Variants in ZNF654 observed in about 807,000 individuals in gnomAD.
ZNF654 encodes melanoma-associated antigen.
ZNF654 carries 19 observed loss-of-function variants against 95.3 expected under a neutral mutation model. The observed-to-expected ratio is 0.20, with a 90% confidence interval of 0.14 to 0.29. The LOEUF is 0.29. Among genes scored for constraint, ZNF654 ranks in the 10% least tolerant of loss-of-function variants. The pLI, the probability that ZNF654 is intolerant of heterozygous loss-of-function variation, is 1.00. For missense variants in ZNF654, 1,046 were observed against 1,341.0 expected (o/e 0.78, Z 3.44); for synonymous variants, 413 against 457.9 (o/e 0.90, Z 1.25).
At chr3:88,096,371 G>A (rs947654397) in intron 2 of ZNF654, among the ~76,000 whole-genome samples, 3 of 152,088 alleles carry the variant, frequency 2.0e-5, no homozygotes, top group African/African-American at 7.2e-5. Context: ...ATTTGTGTGA[G>A]AGGGTACCTC....
chr3:88,075,641 CTT>C (rs899533192), intron 1 of ZNF654, among the ~76,000 whole-genome samples: 3 of 152,114 alleles, frequency 2.0e-5, no homozygotes, highest in Non-Finnish European at 2.9e-5. Flanking sequence ...ATAAACATTC[CTT>C]TTTGTCACAT....
chr3:88,132,945 A>G (rs1422839722), intron 6 of ZNF654, among the ~76,000 whole-genome samples: 7 of 152,192 alleles, frequency 4.6e-5, no homozygotes, highest in Non-Finnish European at 4.4e-5. Context: ...TGAAAGCTAC[A>G]TGGAAGGCCA....
intron 2 of ZNF654, among the ~76,000 whole-genome samples, chr3:88,090,581 T>TTTTTTTTTTTTTTTTTTTTTTTTTG (rs1262166902): frequency 6.6e-6 from 1 of 152,198 alleles, no homozygotes; most frequent in South Asian, 2.1e-4. Context: ...AAAATTTTTA[T>TTTTTTTTTTTTTTTTTTTTTTTTTG]AAGTGCGGTA....
rs1465206375 is a variant in ZNF654, at chr3:88,142,775, A to T, written c.*1123A>T. 1 of 152,250 alleles carries T rather than the reference A, an allele frequency of 6.6e-6. No individual in the cohort carries two copies. The highest frequency in any genetic ancestry group is 1.5e-5 in the Non-Finnish European group (1 of 67,788). The allele number at this position is 152,250 out of a possible 1,614,324, so 9.4% of individuals were successfully genotyped here. A position where few individuals can be genotyped will look rare whatever the true frequency, so the allele number is the denominator to read the frequency against. On this transcript the variant is annotated 3_prime_UTR_variant, in exon 9 of 9. Transcript: ENST00000636215. ...GGTCTGAACAGTAATTTTTATATGT[A>T]AAAGGAAGTATTTACACAAAACATT...
intron 3 of ZNF654, among the ~76,000 whole-genome samples, chr3:88,122,170 T>C (rs1705808410): frequency 1.3e-5 from 2 of 152,112 alleles, no homozygotes; most frequent in Admixed American, 6.6e-5. Context: ...TGTGTAAAGA[T>C]AGGATTTAGA....
rs1236582879 is a variant in ZNF654 at position 88,060,327 on chromosome 3, ATGT to A, written c.186+827_186+829del. On this transcript the variant is annotated intron_variant, in intron 1 of 8. Transcript: ENST00000636215. The stretch of plus-strand genomic sequence containing the variant: ...CTCAGTCGACCGTCACAGGGGTTTG[ATGT>A]TGTTCAAAGTGTTTGTAATCAAATA... 3.3e-5 allele frequency among the ~76,000 whole-genome samples: 5 copies of A among 152,236 alleles called. No individual in the cohort carries two copies. The East Asian group carries it at 7.7e-4, about 24-fold the overall frequency.
chr3:88,091,794 T>C (rs987972103), intron 2 of ZNF654, among the ~76,000 whole-genome samples: 9 of 152,192 alleles, frequency 5.9e-5, no homozygotes, highest in Admixed American at 2.0e-4. Context: ...CCTGCCGCCA[T>C]GTAAGACATG....
At chr3:88,092,266 TC>T (rs1703787172) in intron 2 of ZNF654, among the ~76,000 whole-genome samples, 3 of 152,188 alleles carry the variant, frequency 2.0e-5, no homozygotes, top group Admixed American at 2.0e-4. Flanking sequence ...AATTATTTGG[TC>T]ATTTATTCTG....
At chr3:88,068,059 A>G (rs1427191437) in intron 1 of ZNF654, among the ~76,000 whole-genome samples, 1 of 152,272 alleles carries the variant, frequency 6.6e-6, no homozygotes, top group African/African-American at 2.4e-5. Context: ...GTTGCTTTAT[A>G]TAGGAGTTTT....
intron 2 of ZNF654, among the ~76,000 whole-genome samples, chr3:88,086,871 C>G (rs528883634): frequency 2.0e-5 from 3 of 152,300 alleles, no homozygotes; most frequent in East Asian, 1.9e-4. Context: ...CAAGCTCCCC[C>G]TCCCGGGTTC....
Position 88,139,355 on chromosome 3 carries a change from T to C in ZNF654, c.1686T>C (p.His562=), listed in dbSNP as rs1706982110. The C allele has an allele frequency of 1.2e-6, 2 of 1,612,788 alleles. 1 individual carries two copies. The highest frequency in any genetic ancestry group is 3.3e-5 in the Admixed American group (2 of 59,850). ...TTTTAGGTGGTCACATTGTAAGGCA[T>C]GCCCAGGCTCATCAGAAAAAAGGCA... ...KEFLGGHIVR[H]AQAHQKKGSF... Residue 562 remains histidine, a synonymous_variant, in exon 8 of 9, where the codon CAT becomes CAC. Transcript: ENST00000636215.
intron 2 of ZNF654, among the ~76,000 whole-genome samples, chr3:88,091,897 G>A (rs889804457): frequency 6.6e-6 from 1 of 152,100 alleles, no homozygotes; most frequent in East Asian, 1.9e-4. Flanking sequence ...CTTCATAAAT[G>A]ACCCAGTCTC....
Position 88,139,108 on chromosome 3 carries a change from A to G in ZNF654, c.1439A>G (p.Glu480Gly). The G allele has an allele frequency of 7.9e-7, 1 of 1,267,264 alleles. No homozygotes were observed. Among genetic ancestry groups the G allele is most frequent in the Non-Finnish European group, 9.9e-7 (1 of 1,006,532 alleles). 78.5% of individuals were successfully genotyped at this position (1,267,264 alleles called of 1,614,324 possible). Residue 480 changes from glutamate to glycine, a missense_variant, in exon 8 of 9, where the codon GAA (glutamate) becomes GGA (glycine). Transcript: ENST00000636215. ...AGATTTCTAAATGAAAGCACACTGG[A>G]AAATAATGCAGGTAATCTAAAAAGG... is the stretch of plus-strand genomic sequence containing the variant. ...AVRFLNESTL[E>G]NNAGNLKRTE... is the part of the protein sequence containing the mutation.
chr3:88,067,089 G>C (rs929354591), intron 1 of ZNF654, among the ~76,000 whole-genome samples: 4 of 152,170 alleles, frequency 2.6e-5, no homozygotes, highest in Non-Finnish European at 5.9e-5. Context: ...CATCTAAACA[G>C]TAAAAAAGTC....
intron 2 of ZNF654, among the ~76,000 whole-genome samples, chr3:88,088,223 C>A (rs1708438053): frequency 6.6e-6 from 1 of 152,116 alleles, no homozygotes; most frequent in Admixed American, 6.5e-5. Context: ...CAAGAAACTC[C>A]AGACTCATGC....
chr3:88,097,522 A>C (rs553664561), intron 2 of ZNF654, among the ~76,000 whole-genome samples: 1 of 152,308 alleles, frequency 6.6e-6, no homozygotes, highest in Admixed American at 6.5e-5. Context: ...AAATCGACAG[A>C]ATATACATTC....
chr3:88,084,902 G>A (rs1279795040), intron 1 of ZNF654, among the ~76,000 whole-genome samples: 6 of 152,122 alleles, frequency 3.9e-5, no homozygotes, highest in African/African-American at 7.2e-5. Flanking sequence ...TTTAAGGAAC[G>A]CTAATCTTTT....
intron 3 of ZNF654, among the ~76,000 whole-genome samples, chr3:88,116,535 A>G (rs1393274687): frequency 7.7e-6 from 1 of 130,466 alleles, no homozygotes; most frequent in African/African-American, 2.9e-5. Flanking sequence ...AAAAGAAAAA[A>G]AAATACATAC....
chr3:88,102,048 CA>C (rs1704457523), intron 2 of ZNF654, among the ~76,000 whole-genome samples: 1 of 151,676 alleles, frequency 6.6e-6, no homozygotes, highest in African/African-American at 2.4e-5. Context: ...TCTGGATATA[CA>C]CTCTTTATCA....
Sources: allele counts gnomAD v4.1 joint callset (sites outside exome capture counted in the v4.1 genomes callset), GRCh38; gene constraint gnomAD v4.1.1; transcripts MANE v1.5; gene names NCBI Gene and HGNC (gene_info 2026-07-23, HGNC 2026-07-21).